Variants in TSHZ3 observed in about 807,000 individuals in gnomAD.
TSHZ3 encodes teashirt zinc finger homeobox 3.
TSHZ3 carries 10 observed loss-of-function variants against 64.5 expected under a neutral mutation model. The ratio of observed to expected loss-of-function variants is 0.16; its 90% CI spans 0.10 to 0.26. TSHZ3 has a LOEUF of 0.26. Ranked by LOEUF, TSHZ3 falls within the 10% of genes least tolerant of loss-of-function variation. The pLI, the probability that TSHZ3 is intolerant of heterozygous loss-of-function variation, is 1.00. For missense variants in TSHZ3, 1,242 were observed against 1,421.7 expected, an observed-to-expected ratio of 0.87 and a Z score of 2.03; for synonymous variants, 608 against 593.1, an observed-to-expected ratio of 1.03 and a Z score of -0.36.
rs781326535 is a variant in TSHZ3 at position 31,219,921 on chromosome 19, T to TTCAATTGATCTTTGGAAAGATCAATTGA, written n.686+8056_686+8083dup. Among the ~76,000 whole-genome samples the TTCAATTGATCTTTGGAAAGATCAATTGA allele has an allele frequency of 5.7e-3, 869 of 151,760 alleles. 8 individuals carry two copies. Among genetic ancestry groups the TTCAATTGATCTTTGGAAAGATCAATTGA allele is most frequent in the Non-Finnish European group, 9.6e-3 (650 of 67,880 alleles). Reference sequence around the variant, plus strand: ...ATTTGATTACATTAAAATATATATATTCAATTGATCTTTGGAAAGATCAAT... The same window carrying TTCAATTGATCTTTGGAAAGATCAATTGA: ...ATTTGATTACATTAAAATATATATATTCAATTGATCTTTGGAAAGATCAATTGATCAATTGATCTTTGGAAAGATCAAT... On this transcript the variant is annotated intron_variant and non_coding_transcript_variant, in intron 4 of 6. Coordinates refer to the TSHZ3 transcript ENST00000651361.
intron 1 of TSHZ3, among the ~76,000 whole-genome samples, chr19:31,261,071 G>A (rs1241340296): frequency 2.6e-5 from 4 of 152,150 alleles, no homozygotes. Context: ...AAGAGTAAGA[G>A]AAGCAACCTG....
intron 3 of TSHZ3, among the ~76,000 whole-genome samples, chr19:31,240,350 C>G (rs1395087567): frequency 4.6e-5 from 7 of 151,722 alleles, no homozygotes; most frequent in Admixed American, 4.6e-4. Context: ...AACAAAAATA[C>G]CATAACACAT....
At chr19:31,235,939 T>C (rs1358442196) in intron 3 of TSHZ3, among the ~76,000 whole-genome samples, 2 of 151,950 alleles carry the variant, frequency 1.3e-5, no homozygotes, top group Non-Finnish European at 2.9e-5. Flanking sequence ...TGGTCTCCAG[T>C]GATCCACCCA....
intron 1 of TSHZ3, among the ~76,000 whole-genome samples, chr19:31,258,613 G>A (rs948318246): frequency 1.3e-5 from 2 of 152,202 alleles, no homozygotes; most frequent in African/African-American, 4.8e-5. Context: ...CCAAGGACAG[G>A]GATTCGGTCA....
At chr19:31,187,531 T>G (rs370215299) in intron 5 of TSHZ3, among the ~76,000 whole-genome samples, 1 of 152,172 alleles carries the variant, frequency 6.6e-6, no homozygotes, top group African/African-American at 2.4e-5. Context: ...AATAATATAT[T>G]CTCCTGTGTT....
At chr19:31,231,669 A>G (rs566246900) in intron 3 of TSHZ3, among the ~76,000 whole-genome samples, 1 of 152,314 alleles carries the variant, frequency 6.6e-6, no homozygotes, top group East Asian at 1.9e-4. Flanking sequence ...GTTTTGATTC[A>G]GAAATCATTA....
At chr19:31,195,851 G>T (rs1360574995) in intron 5 of TSHZ3, 1 of 151,880 alleles carries the variant, frequency 6.6e-6, no homozygotes, top group Non-Finnish European at 1.5e-5. Flanking sequence ...AATCAATATA[G>T]TTATGTGTCT....
chr19:31,324,415 A>C (rs1224317431), intron 1 of TSHZ3, among the ~76,000 whole-genome samples: 1 of 152,238 alleles, frequency 6.6e-6, no homozygotes, highest in Non-Finnish European at 1.5e-5. Flanking sequence ...TAATTTATGT[A>C]AATATCCTGA....
intron 3 of TSHZ3, among the ~76,000 whole-genome samples, chr19:31,236,815 G>C (rs1037608944): frequency 2.0e-5 from 3 of 152,162 alleles, no homozygotes; most frequent in Non-Finnish European, 4.4e-5. Flanking sequence ...CAAGTAATAG[G>C]TAGAATTGAG....
intron 1 of TSHZ3, among the ~76,000 whole-genome samples, chr19:31,325,012 T>C (rs2145172817): frequency 6.6e-6 from 1 of 152,196 alleles, no homozygotes; most frequent in East Asian, 1.9e-4. Flanking sequence ...ATTATTCAGC[T>C]AAAACCCAAA....
At chr19:31,156,707 T>C (rs1272339329) in intron 5 of TSHZ3, among the ~76,000 whole-genome samples, 1 of 151,728 alleles carries the variant, frequency 6.6e-6, no homozygotes, top group Non-Finnish European at 1.5e-5. Context: ...GGTTCATGGA[T>C]TTTTTTTTCT....
chr19:31,173,263 G>C (rs1004904522), intron 5 of TSHZ3, among the ~76,000 whole-genome samples: 1 of 152,120 alleles, frequency 6.6e-6, no homozygotes, highest in South Asian at 2.1e-4. Context: ...ATTAGATGTG[G>C]GGTCTGAGAG....
chr19:31,252,518 A>C (rs1186661214), intron 1 of TSHZ3, among the ~76,000 whole-genome samples: 1 of 152,170 alleles, frequency 6.6e-6, no homozygotes, highest in African/African-American at 2.4e-5. Flanking sequence ...ACCAGGTGGG[A>C]GTAACTGGAT....
chr19:31,245,257 A>T (rs930482684), intron 1 of TSHZ3, among the ~76,000 whole-genome samples: 8 of 152,318 alleles, frequency 5.3e-5, no homozygotes, highest in South Asian at 2.1e-4. Context: ...AACCTTAAGT[A>T]GGAGAAAGCT....
At chr19:31,240,709 A>T (rs1482126420) in intron 3 of TSHZ3, among the ~76,000 whole-genome samples, 1 of 152,088 alleles carries the variant, frequency 6.6e-6, no homozygotes, top group Admixed American at 6.5e-5. Flanking sequence ...TATTTTTTTT[A>T]ATTCTTTTTT....
At chr19:31,332,048 T>A (rs1599653902) in intron 1 of TSHZ3, among the ~76,000 whole-genome samples, 1 of 152,286 alleles carries the variant, frequency 6.6e-6, no homozygotes, top group South Asian at 2.1e-4. Flanking sequence ...AAAAAATGCA[T>A]GTTTCCATTC....
At chr19:31,319,708 G>A (rs779745499) in intron 1 of TSHZ3, among the ~76,000 whole-genome samples, 1 of 151,994 alleles carries the variant, frequency 6.6e-6, no homozygotes, top group African/African-American at 2.4e-5. Flanking sequence ...CCATGACAAC[G>A]GTAATCACAA....
intron 4 of TSHZ3, among the ~76,000 whole-genome samples, chr19:31,227,075 T>C (rs1975476749): frequency 6.8e-6 from 1 of 145,996 alleles, no homozygotes; most frequent in African/African-American, 2.6e-5. Flanking sequence ...GCCTTCCAGG[T>C]TCAAGCGATT....
intron 1 of TSHZ3, among the ~76,000 whole-genome samples, chr19:31,334,986 A>T (rs1917202324): frequency 6.6e-6 from 1 of 152,110 alleles, no homozygotes; most frequent in African/African-American, 2.4e-5. Flanking sequence ...GCCAGGGGTT[A>T]CCTGGGGGAG....
Sources: allele counts gnomAD v4.1 joint callset (sites outside exome capture counted in the v4.1 genomes callset), GRCh38; gene constraint gnomAD v4.1.1; transcripts MANE v1.5; gene names NCBI Gene and HGNC (gene_info 2026-07-23, HGNC 2026-07-21).